The following LIM2 variants were observed in gnomAD, a reference collection of about 807,000 sequenced individuals.
LIM2 encodes the protein lens fiber membrane intrinsic protein.
LIM2 carries 14 observed loss-of-function variants against 19.0 expected under a neutral mutation model. The observed-to-expected ratio is 0.74, with a 90% CI of 0.49 to 1.15. The LOEUF is 1.15. Ranked by LOEUF, LIM2 falls within the 50% of genes most tolerant of loss-of-function variation. LIM2 has a pLI of 0.00. For missense variants in LIM2, 230 were observed against 243.5 expected, an observed-to-expected ratio of 0.94 and a Z score of 0.37; for synonymous variants, 78 against 89.6, an observed-to-expected ratio of 0.87 and a Z score of 0.73.
At chr19:51,380,756 G>T (rs537429045) in intron 3 of LIM2, 117 bp from the exon 4 acceptor site, 16 of 1,119,148 alleles carry the variant, frequency 1.4e-5, no homozygotes, top group African/African-American at 1.4e-4. Flanking sequence ...GTGGAAATGG[G>T]TTGGGGGTGG....
chr19:51,382,464 G>A lies in LIM2; in HGVS notation c.279C>T (p.Ser93=). The change falls in exon 3 of 5, where the codon TCC becomes TCT. Residue 93 remains serine (S), a synonymous_variant. Transcript: ENST00000596399. ...CAGCAGAGAAGGGCCGGGAGATGCG[G>A]GAGAAGGTAGGCTGATGAGCGAAGG... ...IMAFAHQPTF[S]RISRPFSAGI... The A allele has an allele frequency of 6.2e-7, 1 of 1,614,014 alleles. No homozygotes were observed. Among genetic ancestry groups the A allele is most frequent in the Non-Finnish European group, 8.5e-7 (1 of 1,179,998 alleles).
intron 2 of LIM2, among the ~76,000 whole-genome samples, chr19:51,383,008 A>G (rs1370269619): frequency 1.2e-5 from 1 of 83,156 alleles, no homozygotes; most frequent in Non-Finnish European, 2.3e-5. Context: ...TCTCTCTCAC[A>G]TTTCTTTTTT....
chr19:51,386,556 G>C (rs1987051899), intron 2 of LIM2, among the ~76,000 whole-genome samples: 1 of 145,332 alleles, frequency 6.9e-6, no homozygotes, highest in Admixed American at 6.9e-5. Context: ...CTATTTATTA[G>C]ATAATGAATG....
intron 2 of LIM2, among the ~76,000 whole-genome samples, chr19:51,386,737 ACAT>A (rs1987061697): frequency 6.7e-6 from 1 of 149,830 alleles, no homozygotes; most frequent in Admixed American, 6.7e-5. Flanking sequence ...TATATATAAT[ACAT>A]CATAAATTAT....
intron 2 of LIM2, 189 bp downstream of exon 2, chr19:51,387,080 C>T (rs1017270233): frequency 1.4e-5 from 15 of 1,059,104 alleles, no homozygotes; most frequent in South Asian, 8.0e-5. Context: ...ACCAGCACCC[C>T]GTGAAACTGC....
At chr19:51,383,382 T>C (rs1163742392) in intron 2 of LIM2, among the ~76,000 whole-genome samples, 1 of 152,178 alleles carries the variant, frequency 6.6e-6, no homozygotes, top group African/African-American at 2.4e-5. Flanking sequence ...GAAAATGTCC[T>C]ATTTACTTGT....
rs1446502349 is a variant in LIM2 at position 51,387,327 on chromosome 19, G to A, written c.117C>T (p.His39=). 1 of 1,614,066 alleles carries A rather than the reference G, an allele frequency of 6.2e-7. No individual in the cohort carries two copies. Among genetic ancestry groups the A allele is most frequent in the East Asian group, 2.2e-5 (1 of 44,900 alleles). The change falls in exon 2 of 5, where the codon CAC becomes CAT. Residue 39 remains histidine, a synonymous_variant. Coordinates refer to ENST00000596399, the MANE Select transcript of LIM2 (RefSeq NM_001161748.2). ...MQYRLSGSFA[H]QGLWRYCLGN... The stretch of plus-strand genomic sequence containing the variant: ...CCAGGCAGTACCGCCACAGGCCCTG[G>A]TGGGCGAAGGACCCTGACAGCCGGT...
chr19:51,382,603 C>T lies in LIM2; in HGVS notation c.176-36G>A, dbSNP rs1295540297. 5 of 1,612,188 alleles carry T rather than the reference C, an allele frequency of 3.1e-6. No individual in the cohort carries two copies. In the Admixed American group the frequency reaches 6.7e-5, roughly 22 times the overall value. ...ACCCCATGGTCATTCCCACACCTCC[C>T]CTGCTCTAAGTGAGAGATGCTGCTA... On this transcript the variant is annotated intron_variant, in intron 2 of 4. Transcript: ENST00000596399.
chr19:51,382,294 T>G, intron 3 of LIM2, 124 bp downstream of exon 3: 15 of 1,091,076 alleles, frequency 1.4e-5, no homozygotes, highest in Non-Finnish European at 1.8e-5. Flanking sequence ...GGGGATGGGA[T>G]TAGGGTGGGG....
chr19:51,382,130 C>T, intron 3 of LIM2, among the ~76,000 whole-genome samples: 1 of 152,178 alleles, frequency 6.6e-6, no homozygotes, highest in East Asian at 1.9e-4. Context: ...CAGCTTGTAG[C>T]TGAGGTGGAA....
chr19:51,385,721 T>G (rs953765613), intron 2 of LIM2, among the ~76,000 whole-genome samples: 1 of 151,702 alleles, frequency 6.6e-6, no homozygotes, highest in African/African-American at 2.4e-5. Flanking sequence ...ATGTGTGGAG[T>G]CAGGCAGAGC....
In LIM2 at chr19:51,387,453, T is replaced by A; in HGVS notation, c.-6-4A>T. On this transcript the variant is annotated splice_region_variant and splice_polypyrimidine_tract_variant and intron_variant, in intron 1 of 4. Transcript: ENST00000596399. ...CCATGAAGCTGTACATGGTGATCTG[T>A]GGGGAAGGGGAGAGATGGGATTGGG... The A allele has an allele frequency of 5.6e-6, 9 of 1,613,244 alleles. No individual in the cohort carries two copies. The highest frequency in any genetic ancestry group is 7.6e-6 in the Non-Finnish European group (9 of 1,179,954).
At chr19:51,387,830 C>T (rs1349813967) in intron 1 of LIM2, 89 bp downstream of exon 1, 2 of 269,360 alleles carry the variant, frequency 7.4e-6, no homozygotes, top group East Asian at 9.1e-5. Context: ...GGGGGTAGGA[C>T]ACCAGGTCCT....
chr19:51,387,198 G>T (rs769738035), intron 2 of LIM2, 71 bp downstream of exon 2: 2 of 1,614,206 alleles, frequency 1.2e-6, no homozygotes, highest in East Asian at 4.5e-5. Flanking sequence ...TGGAATACAG[G>T]TGTCCTTGGG....
chr19:51,383,967 T>A (rs1986966290), intron 2 of LIM2, among the ~76,000 whole-genome samples: 1 of 152,254 alleles, frequency 6.6e-6, no homozygotes, highest in Non-Finnish European at 1.5e-5. Context: ...GAGAAATTCC[T>A]GGCTGTTTCT....
chr19:51,386,479 AATTT>A (rs1219978449), intron 2 of LIM2, among the ~76,000 whole-genome samples: 2 of 137,498 alleles, frequency 1.5e-5, no homozygotes, highest in East Asian at 2.1e-4. Flanking sequence ...CTACATTATT[AATTT>A]ATTATATAAT....
At chr19:51,383,004 T>A (rs1411889966) in intron 2 of LIM2, among the ~76,000 whole-genome samples, 28 of 149,312 alleles carry the variant, frequency 1.9e-4, no homozygotes, top group Non-Finnish European at 4.5e-5. Flanking sequence ...CTATTCTCTC[T>A]CACATTTCTT....
rs761728950 is a variant in LIM2, at chr19:51,387,197, G to A, written c.175+72C>T. 17 of 1,614,080 alleles carry A rather than the reference G, an allele frequency of 1.1e-5. No homozygotes were observed. In the Admixed American group the frequency reaches 1.7e-4, roughly 16 times the overall value. On this transcript the variant is annotated intron_variant, in intron 2 of 4. Transcript: ENST00000596399. ...CGCAGAGTTCTCCATCTGGAATACA[G>A]GTGTCCTTGGGCCCCGAGGTCCGCC...
chr19:51,386,473 A>C (rs999107809), intron 2 of LIM2, among the ~76,000 whole-genome samples: 1 of 126,438 alleles, frequency 7.9e-6, no homozygotes, highest in Non-Finnish European at 1.6e-5. Flanking sequence ...TATACTCTAC[A>C]TTATTAATTT....
Sources: allele counts gnomAD v4.1 joint callset (sites outside exome capture counted in the v4.1 genomes callset), GRCh38; gene constraint gnomAD v4.1.1; transcripts MANE v1.5; gene names NCBI Gene and HGNC (gene_info 2026-07-23, HGNC 2026-07-21).